CTNNA2: variants seen among roughly 807,000 people sequenced by gnomAD.
CTNNA2 encodes catenin alpha 2, also known as catenin alpha-2.
In CTNNA2, 42 loss-of-function variants were observed where a neutral mutation model predicts 101.0. The observed-to-expected ratio is 0.42, with a 90% confidence interval of 0.32 to 0.54. The LOEUF (loss-of-function observed/expected upper bound fraction) is 0.54. CTNNA2 is among the 20% of genes least tolerant of loss of function. The probability of loss-of-function intolerance (pLI) is 0.14; values close to 1 mark genes in which losing one functional copy is unlikely to be tolerated. For synonymous variants in CTNNA2, 450 were observed against 456.4 expected (o/e 0.99, Z 0.18); for missense variants, 871 against 1,223.1 (o/e 0.71, Z 4.29).
chr2:80,325,287 G>A (rs116985851), intron 7 of CTNNA2, among the ~76,000 whole-genome samples: 3,299 of 152,200 alleles, frequency 0.022, 58 homozygotes, highest in Middle Eastern at 0.041. Flanking sequence ...TAGATTTGCA[G>A]GATTTATAGC....
intron 7 of CTNNA2, among the ~76,000 whole-genome samples, chr2:80,089,723 A>G (rs948011236): frequency 1.3e-5 from 2 of 151,986 alleles, no homozygotes; most frequent in African/African-American, 4.8e-5. Context: ...ATTGTCAGCA[A>G]CTTACCACCC....
At chr2:79,462,770 A>C (rs1021721135) in intron 4 of CTNNA2, among the ~76,000 whole-genome samples, 4 of 152,202 alleles carry the variant, frequency 2.6e-5, no homozygotes, top group Non-Finnish European at 5.9e-5. Context: ...ATTGGTTGCT[A>C]TTCTGTGCCA....
At chr2:80,450,166 T>C (rs2149454865) in intron 9 of CTNNA2, among the ~76,000 whole-genome samples, 1 of 152,314 alleles carries the variant, frequency 6.6e-6, no homozygotes, top group Non-Finnish European at 1.5e-5. Flanking sequence ...AGATATTCCA[T>C]AGAAAACTCT....
chr2:80,458,766 T>G (rs1684185787), intron 9 of CTNNA2, among the ~76,000 whole-genome samples: 2 of 152,170 alleles, frequency 1.3e-5, no homozygotes, highest in South Asian at 4.1e-4. Flanking sequence ...TCAGTGGTTG[T>G]CTATCCTGGG....
intron 4 of CTNNA2, among the ~76,000 whole-genome samples, chr2:79,860,546 G>GTTTTTTTTTTTGTTTTTT (rs1553385351): frequency 1.5e-4 from 16 of 107,194 alleles, no homozygotes; most frequent in African/African-American, 5.5e-4. Flanking sequence ...AGTAAGGGAA[G>GTTTTTTTTTTTGTTTTTT]TTTTTTTTTT....
intron 5 of CTNNA2, among the ~76,000 whole-genome samples, chr2:79,506,165 G>A (rs554941437): frequency 8.5e-5 from 13 of 152,282 alleles, no homozygotes; most frequent in African/African-American, 3.1e-4. Flanking sequence ...GTGTGTGCAT[G>A]TGTGCATTTG....
chr2:79,452,182 A>G (rs1014482195), intron 4 of CTNNA2, among the ~76,000 whole-genome samples: 12 of 152,112 alleles, frequency 7.9e-5, no homozygotes, highest in African/African-American at 2.7e-4. Flanking sequence ...GCCCCAAAGA[A>G]GTGAATGCGT....
At chr2:79,817,189 C>CT (rs1677578476) in intron 3 of CTNNA2, among the ~76,000 whole-genome samples, 1 of 152,060 alleles carries the variant, frequency 6.6e-6, no homozygotes, top group African/African-American at 2.4e-5. Flanking sequence ...CTTCCCCCTA[C>CT]CACAACCTCA....
At chr2:79,485,883 G>A (rs1249259671) in intron 4 of CTNNA2, among the ~76,000 whole-genome samples, 1 of 152,012 alleles carries the variant, frequency 6.6e-6, no homozygotes, top group African/African-American at 2.4e-5. Flanking sequence ...CTTCATTATG[G>A]ATATCTTGCA....
intron 1 of CTNNA2, among the ~76,000 whole-genome samples, chr2:79,635,256 C>A (rs1679946325): frequency 6.6e-6 from 1 of 151,838 alleles, no homozygotes; most frequent in Non-Finnish European, 1.5e-5. Context: ...ACGGTGAAAC[C>A]CCGTCTCTAC....
chr2:79,553,449 G>A (rs1450471847), intron 1 of CTNNA2, among the ~76,000 whole-genome samples: 1 of 152,116 alleles, frequency 6.6e-6, no homozygotes, highest in Non-Finnish European at 1.5e-5. Context: ...TGAATTTTCT[G>A]TGTTGGTCTG....
At chr2:80,180,703 A>G (rs1443605542) in intron 7 of CTNNA2, among the ~76,000 whole-genome samples, 1 of 152,182 alleles carries the variant, frequency 6.6e-6, no homozygotes, top group East Asian at 1.9e-4. Context: ...GTTAAAGGGT[A>G]TATCTTCTGG....
At chr2:80,215,270 C>T (rs1239720548) in intron 7 of CTNNA2, among the ~76,000 whole-genome samples, 1 of 152,184 alleles carries the variant, frequency 6.6e-6, no homozygotes, top group Non-Finnish European at 1.5e-5. Context: ...CTCAGCTCGT[C>T]AAAGTCATTC....
chr2:80,112,518 A>G (rs1015642701), intron 7 of CTNNA2, among the ~76,000 whole-genome samples: 13 of 152,296 alleles, frequency 8.5e-5, no homozygotes, highest in African/African-American at 3.1e-4. Context: ...CTTCATCATC[A>G]TAATTATTAT....
At chr2:79,838,305 C>T (rs1422743272) in intron 3 of CTNNA2, among the ~76,000 whole-genome samples, 1 of 151,858 alleles carries the variant, frequency 6.6e-6, no homozygotes, top group Non-Finnish European at 1.5e-5. Context: ...AGAACAAAAG[C>T]AGTTTAGATC....
chr2:80,288,947 GT>G (rs1573606161), intron 7 of CTNNA2: 12 of 152,270 alleles, frequency 7.9e-5, no homozygotes, highest in Admixed American at 6.5e-4. Context: ...CAAGAACACT[GT>G]TTCTCATGGG....
intron 3 of CTNNA2, among the ~76,000 whole-genome samples, chr2:79,839,529 CT>C (rs1679641736): frequency 6.6e-6 from 1 of 151,996 alleles, no homozygotes; most frequent in African/African-American, 2.4e-5. Flanking sequence ...TTATTCTTTT[CT>C]TTGCAATTCT....
At chr2:80,391,370 A>G (rs549041327) in intron 7 of CTNNA2, among the ~76,000 whole-genome samples, 2 of 152,272 alleles carry the variant, frequency 1.3e-5, no homozygotes, top group African/African-American at 4.8e-5. Context: ...TTCACTCAGT[A>G]ATTATTTTGT....
intron 2 of CTNNA2, among the ~76,000 whole-genome samples, chr2:79,243,003 C>CAT (rs1553385616): frequency 3.0e-5 from 4 of 134,396 alleles, no homozygotes; most frequent in Non-Finnish European, 1.6e-5. Flanking sequence ...TACACACACA[C>CAT]ACACACACAC....
Sources: gnomAD v4.1 joint callset for allele counts (sites outside exome capture counted in the v4.1 genomes callset) on GRCh38, gnomAD v4.1.1 for gene constraint, MANE v1.5 for transcripts, NCBI Gene and HGNC (gene_info 2026-07-23, HGNC 2026-07-21) for gene names.